The following NID1 variants were observed in gnomAD, a reference collection of about 807,000 sequenced individuals.
NID1 encodes nidogen 1.
A neutral mutation model predicts 130.6 loss-of-function variants in NID1; 76 were observed. That is an observed-to-expected ratio of 0.58 (90% CI 0.48 to 0.70). The LOEUF (loss-of-function observed/expected upper bound fraction) is 0.70, where lower values mean the gene tolerates loss of function less well. NID1 is among the 30% of genes least tolerant of loss of function. The pLI is 0.00. For synonymous variants in NID1, 665 were observed against 675.1 expected, an observed-to-expected ratio of 0.98 and a Z score of 0.23; for missense variants, 1,517 against 1,664.8, an observed-to-expected ratio of 0.91 and a Z score of 1.54.
intron 9 of NID1, among the ~76,000 whole-genome samples, chr1:236,018,875 C>A (rs1658676440): frequency 6.6e-6 from 1 of 152,202 alleles, no homozygotes; most frequent in South Asian, 2.1e-4. Context: ...ATGTGGGAGT[C>A]AAAGCCTCCT....
chr1:236,060,348 G>C (rs1660006337), intron 1 of NID1, among the ~76,000 whole-genome samples: 1 of 152,106 alleles, frequency 6.6e-6, no homozygotes, highest in Non-Finnish European at 1.5e-5. Context: ...TCTTGGTTTT[G>C]ATAGGTTTGG....
chr1:236,057,310 G>T (rs1290047816), intron 1 of NID1, among the ~76,000 whole-genome samples: 1 of 152,162 alleles, frequency 6.6e-6, no homozygotes, highest in African/African-American at 2.4e-5. Flanking sequence ...GAATGTTGGT[G>T]AGTAAAAGGC....
At chr1:235,986,545 A>G (rs760009021) in intron 14 of NID1, among the ~76,000 whole-genome samples, 1 of 152,166 alleles carries the variant, frequency 6.6e-6, no homozygotes, top group Non-Finnish European at 1.5e-5. Context: ...CAAATAAATG[A>G]AGGGATAAAT....
At chr1:236,018,368 C>G (rs532419689) in intron 9 of NID1, among the ~76,000 whole-genome samples, 6 of 152,286 alleles carry the variant, frequency 3.9e-5, no homozygotes, top group Admixed American at 6.5e-5. Context: ...AGAGAAGCAC[C>G]CAACAATGTT....
intron 12 of NID1, among the ~76,000 whole-genome samples, chr1:236,007,439 C>G (rs1387024262): frequency 6.6e-6 from 1 of 152,192 alleles, no homozygotes; most frequent in Non-Finnish European, 1.5e-5. Flanking sequence ...TCCCCACTGC[C>G]TGGTCTTCCA....
intron 15 of NID1, among the ~76,000 whole-genome samples, chr1:235,982,208 A>G (rs1657457302): frequency 6.6e-6 from 1 of 152,166 alleles, no homozygotes; most frequent in South Asian, 2.1e-4. Flanking sequence ...TTGTCAAACA[A>G]GGATCCTGGA....
At chr1:236,000,605 G>A (rs1429759004) in intron 12 of NID1, among the ~76,000 whole-genome samples, 1 of 152,156 alleles carries the variant, frequency 6.6e-6, no homozygotes, top group Non-Finnish European at 1.5e-5. Context: ...TTGGGCATAC[G>A]ACATCAGGAC....
chr1:235,991,552 C>T (rs1210910363), intron 13 of NID1, among the ~76,000 whole-genome samples: 2 of 152,078 alleles, frequency 1.3e-5, no homozygotes, highest in Non-Finnish European at 2.9e-5. Context: ...AGGCTGGTCT[C>T]GAACTCCTGA....
At chr1:236,037,047 G>A (rs568673715) in intron 5 of NID1, among the ~76,000 whole-genome samples, 2 of 152,236 alleles carry the variant, frequency 1.3e-5, no homozygotes, top group Non-Finnish European at 2.9e-5. Flanking sequence ...CCTCCCAGAT[G>A]GTGCACCGAG....
chr1:236,048,056 G>T (rs547096919), intron 2 of NID1, among the ~76,000 whole-genome samples: 11 of 125,910 alleles, frequency 8.7e-5, no homozygotes, highest in African/African-American at 3.0e-4. Context: ...AAAAAAGGCC[G>T]GGCATGGTGG....
chr1:236,007,239 G>T (rs1002717255), intron 12 of NID1, among the ~76,000 whole-genome samples: 34 of 152,162 alleles, frequency 2.2e-4, no homozygotes, highest in Admixed American at 1.3e-4. Context: ...TTGCTATGTT[G>T]TCCAGGGTGT....
intron 14 of NID1, among the ~76,000 whole-genome samples, chr1:235,990,381 C>T (rs983730233): frequency 2.3e-4 from 35 of 152,174 alleles, no homozygotes; most frequent in Non-Finnish European, 1.5e-5. Context: ...ATCTCAGACC[C>T]TCCCCTCTCC....
chr1:236,023,347 G>A (rs1658819348), intron 9 of NID1, among the ~76,000 whole-genome samples: 1 of 152,214 alleles, frequency 6.6e-6, no homozygotes, highest in Non-Finnish European at 1.5e-5. Context: ...ACTGTGCTAT[G>A]TGAAATAAGC....
chr1:236,057,604 C>A (rs1449654185), intron 1 of NID1, among the ~76,000 whole-genome samples: 1 of 151,488 alleles, frequency 6.6e-6, no homozygotes, highest in Non-Finnish European at 1.5e-5. Context: ...GTCATGCACA[C>A]CTGTAATCCC....
chr1:236,002,338 A>G (rs1268003503), intron 12 of NID1, among the ~76,000 whole-genome samples: 1 of 152,192 alleles, frequency 6.6e-6, no homozygotes, highest in East Asian at 1.9e-4. Context: ...CCCCGTATCT[A>G]CTAAAAACAC....
chr1:235,993,720 C>T lies in NID1; in HGVS notation c.2680G>A (p.Gly894Ser), dbSNP rs779492866. 3 of 1,610,736 alleles carry T rather than the reference C, an allele frequency of 1.9e-6. No individual in the cohort carries two copies. The highest frequency in any genetic ancestry group is 1.1e-5 in the South Asian group (1 of 90,856). Reference sequence around the variant, plus strand: ...TCGCGATCCACGCACCAGCAGTAGCCGGTGCTGCCGTGGCACTGGGTGGGC... The same window carrying T: ...TCGCGATCCACGCACCAGCAGTAGCTGGTGCTGCCGTGGCACTGGGTGGGC... ...YAPTQCHGST[G>S]YCWCVDRDGR... Residue 894 changes from glycine to serine, a missense_variant, in exon 13 of 20, where the codon GGC becomes AGC. By Grantham distance (56) the Gly-to-Ser change is moderately conservative (BLOSUM62 0). Coordinates refer to ENST00000264187, the MANE Select transcript of NID1 (RefSeq NM_002508.3).
rs3738525 is a variant in NID1 at position 235,981,651 on chromosome 1, A to G, written c.3187T>C (p.Leu1063=). ...GTTACAATGCCTCTGGGATTCACCAAGTCAGTCTCAAAGAGCACCCGGCGC... is the reference window on the plus strand; with the variant it reads ...GTTACAATGCCTCTGGGATTCACCAGGTCAGTCTCAAAGAGCACCCGGCGC... ...TQRRVLFETD[L]VNPRGIVTDS... The change falls in exon 16 of 20, where the codon TTG becomes CTG. Residue 1063 remains leucine, a synonymous_variant. Coordinates refer to ENST00000264187, the MANE Select transcript of NID1 (RefSeq NM_002508.3). 332,171 of 1,613,806 alleles carry G rather than the reference A, an allele frequency of 0.21. 40,229 individuals carry two copies. Among genetic ancestry groups the G allele is most frequent in the East Asian group, 0.63 (28,349 of 44,848 alleles).
At chr1:235,991,553 G>A (rs1437737558) in intron 13 of NID1, among the ~76,000 whole-genome samples, 3 of 151,974 alleles carry the variant, frequency 2.0e-5, no homozygotes, top group Non-Finnish European at 4.4e-5. Context: ...GGCTGGTCTC[G>A]AACTCCTGAC....
intron 15 of NID1, among the ~76,000 whole-genome samples, chr1:235,982,417 T>C (rs1657463867): frequency 6.6e-6 from 1 of 152,104 alleles, no homozygotes; most frequent in African/African-American, 2.4e-5. Flanking sequence ...AGATAGGGAA[T>C]GGAAAAATAG....
Sources: allele counts gnomAD v4.1 joint callset (sites outside exome capture counted in the v4.1 genomes callset), GRCh38; gene constraint gnomAD v4.1.1; transcripts MANE v1.5; gene names NCBI Gene and HGNC (gene_info 2026-07-23, HGNC 2026-07-21).